Variants in CCSER1 observed in about 807,000 individuals in gnomAD.
The protein encoded by CCSER1 is coiled-coil serine rich protein 1.
In CCSER1, 41 loss-of-function variants were observed where a neutral mutation model predicts 82.0. The observed-to-expected ratio is 0.50, with a 90% CI of 0.39 to 0.65. CCSER1 has a LOEUF of 0.65. CCSER1 is among the 30% of genes least tolerant of loss of function. CCSER1 has a pLI of 0.00. For synonymous variants in CCSER1, 414 were observed against 383.9 expected (o/e 1.08, Z -0.92); for missense variants, 1,119 against 1,064.2 (o/e 1.05, Z -0.72).
intron 7 of CCSER1, among the ~76,000 whole-genome samples, chr4:90,770,700 T>A (rs1431182951): frequency 6.6e-6 from 1 of 152,120 alleles, no homozygotes; most frequent in African/African-American, 2.4e-5. Flanking sequence ...CAAATCTCTT[T>A]CACTAGCACT....
At chr4:90,144,064 T>C (rs767840492) in intron 1 of CCSER1, among the ~76,000 whole-genome samples, 1 of 152,228 alleles carries the variant, frequency 6.6e-6, no homozygotes, top group Non-Finnish European at 1.5e-5. Flanking sequence ...GCATCCAAAC[T>C]GTAAGATATC....
intron 7 of CCSER1, among the ~76,000 whole-genome samples, chr4:90,798,449 T>C (rs2149688819): frequency 6.6e-6 from 1 of 151,460 alleles, no homozygotes; most frequent in Middle Eastern, 3.4e-3. Context: ...TCTTCATTCA[T>C]ATCCATATTC....
intron 1 of CCSER1, among the ~76,000 whole-genome samples, chr4:90,286,103 TG>T (rs1244174115): frequency 3.3e-5 from 5 of 152,074 alleles, no homozygotes; most frequent in African/African-American, 1.2e-4. Flanking sequence ...TTTCTTTTTT[TG>T]TCATGTCATT....
chr4:90,972,827 CAGAAT>C (rs1735242088), intron 9 of CCSER1, among the ~76,000 whole-genome samples: 1 of 151,634 alleles, frequency 6.6e-6, no homozygotes, highest in Admixed American at 6.6e-5. Flanking sequence ...AAGAATGTAA[CAGAAT>C]AGAGAGTGCA....
intron 6 of CCSER1, among the ~76,000 whole-genome samples, chr4:90,695,626 G>A (rs1339133463): frequency 6.6e-6 from 1 of 151,998 alleles, no homozygotes; most frequent in Non-Finnish European, 1.5e-5. Context: ...ATTTTTGTCT[G>A]TGTACATGGG....
intron 9 of CCSER1, among the ~76,000 whole-genome samples, chr4:91,022,652 C>G: frequency 6.6e-6 from 1 of 152,152 alleles, no homozygotes; most frequent in Non-Finnish European, 1.5e-5. Context: ...CTTATTTCTC[C>G]ACATCCTCTC....
At chr4:91,184,673 G>C (rs945865223) in intron 10 of CCSER1, among the ~76,000 whole-genome samples, 1 of 152,104 alleles carries the variant, frequency 6.6e-6, no homozygotes, top group African/African-American at 2.4e-5. Context: ...CATTTTAAAG[G>C]TATAGGTTCT....
At chr4:91,449,555 C>T (rs561805667) in intron 10 of CCSER1, among the ~76,000 whole-genome samples, 19 of 152,068 alleles carry the variant, frequency 1.2e-4, no homozygotes, top group African/African-American at 4.6e-4. Context: ...GTTTAGGTTC[C>T]TTCTCTCTGA....
intron 4 of CCSER1, among the ~76,000 whole-genome samples, chr4:90,414,189 A>G (rs1197407151): frequency 6.6e-6 from 1 of 150,786 alleles, no homozygotes; most frequent in Non-Finnish European, 1.5e-5. Context: ...AAAAAAATTT[A>G]AAAATAAAAT....
At chr4:90,688,095 C>A (rs1330691733) in intron 6 of CCSER1, among the ~76,000 whole-genome samples, 1 of 152,048 alleles carries the variant, frequency 6.6e-6, no homozygotes, top group Non-Finnish European at 1.5e-5. Context: ...GTCCAAGTAT[C>A]AAAAAGCAGT....
chr4:91,212,558 G>C (rs62310740), intron 10 of CCSER1, among the ~76,000 whole-genome samples: 5,675 of 152,120 alleles, frequency 0.037, 176 homozygotes, highest in African/African-American at 0.079. Context: ...TATTTTAATG[G>C]AGCAAGAGGG....
At chr4:91,266,380 T>G (rs1311827338) in intron 10 of CCSER1, among the ~76,000 whole-genome samples, 1 of 151,862 alleles carries the variant, frequency 6.6e-6, no homozygotes, top group African/African-American at 2.4e-5. Context: ...AGCCTCCGAG[T>G]AGCTGGGACT....
chr4:90,793,803 C>T (rs62313059), intron 7 of CCSER1, among the ~76,000 whole-genome samples: 10,004 of 152,250 alleles, frequency 0.066, 448 homozygotes, highest in Admixed American at 0.12. Flanking sequence ...ATAAGCATTT[C>T]GTGTCCTCTG....
rs189276519 is a variant in CCSER1 at position 90,477,034 on chromosome 4, A to T, written c.1724+8680A>T. ...GGTGCATCACCATTGTTTTGAAAGT[A>T]GCTCTTATGTGTGCAGAAAAAGCAT... On this transcript the variant is annotated intron_variant, in intron 5 of 10. Transcript: ENST00000509176. 5.9e-5 allele frequency among the ~76,000 whole-genome samples: 9 copies of T among 152,306 alleles called. No homozygotes were observed. In the East Asian group the frequency reaches 1.7e-3, roughly 29 times the overall value.
chr4:90,735,151 G>A (rs1172854015), intron 7 of CCSER1, among the ~76,000 whole-genome samples: 1 of 152,016 alleles, frequency 6.6e-6, no homozygotes, highest in Admixed American at 6.6e-5. Context: ...GTTAAACCAG[G>A]CTTGTATCTG....
At chr4:91,231,851 C>A (rs1387380459) in intron 10 of CCSER1, among the ~76,000 whole-genome samples, 2 of 151,604 alleles carry the variant, frequency 1.3e-5, no homozygotes, top group African/African-American at 4.8e-5. Context: ...AGTAGGAGAC[C>A]ATGATGGTAC....
chr4:91,558,044 A>G (rs1762484884), intron 10 of CCSER1, among the ~76,000 whole-genome samples: 1 of 150,952 alleles, frequency 6.6e-6, no homozygotes, highest in Non-Finnish European at 1.5e-5. Context: ...TTTAATGTAT[A>G]TTACAAAGAA....
intron 8 of CCSER1, among the ~76,000 whole-genome samples, chr4:90,841,649 GA>G (rs1762590774): frequency 2.0e-5 from 3 of 151,680 alleles, no homozygotes; most frequent in Non-Finnish European, 2.9e-5. Context: ...TCTGGGTCAG[GA>G]AACATTTTCT....
At chr4:91,561,302 A>G (rs1762641526) in intron 10 of CCSER1, among the ~76,000 whole-genome samples, 1 of 151,338 alleles carries the variant, frequency 6.6e-6, no homozygotes, top group African/African-American at 2.4e-5. Context: ...GTTTTCATTC[A>G]CTTCCCCCTC....
Sources: allele counts gnomAD v4.1 joint callset (sites outside exome capture counted in the v4.1 genomes callset), GRCh38; gene constraint gnomAD v4.1.1; transcripts MANE v1.5; gene names NCBI Gene and HGNC (gene_info 2026-07-23, HGNC 2026-07-21).